PHC2: variants seen among roughly 807,000 people sequenced by gnomAD.
PHC2 encodes the protein polyhomeotic-like protein 2.
PHC2 carries 29 observed loss-of-function variants against 87.4 expected under a neutral mutation model. The observed-to-expected ratio is 0.33, with a 90% CI of 0.25 to 0.45. The LOEUF (loss-of-function observed/expected upper bound fraction) is 0.45. Among genes scored for constraint, PHC2 ranks in the 20% least tolerant of loss-of-function variants. The probability of loss-of-function intolerance (pLI) is 1.00; values close to 1 mark genes in which losing one functional copy is unlikely to be tolerated. For synonymous variants in PHC2, 438 were observed against 461.7 expected (o/e 0.95, Z 0.66); for missense variants, 857 against 1,136.7 (o/e 0.75, Z 3.54).
At chr1:33,416,673 T>C (rs1249498980) in intron 1 of PHC2, among the ~76,000 whole-genome samples, 1 of 151,858 alleles carries the variant, frequency 6.6e-6, no homozygotes, top group South Asian at 2.1e-4. Context: ...TTTAAAGTCC[T>C]GGAAGAAACT....
intron 1 of PHC2, among the ~76,000 whole-genome samples, chr1:33,395,562 A>C (rs1312690782): frequency 6.6e-6 from 1 of 152,210 alleles, no homozygotes; most frequent in Non-Finnish European, 1.5e-5. Context: ...AAATGCATTA[A>C]GAAAAGATGA....
chr1:33,372,289 C>G lies in PHC2; in HGVS notation c.333G>C (p.Gln111His). The G allele has an allele frequency of 6.4e-7, 1 of 1,555,140 alleles. No homozygotes were observed. The highest frequency in any genetic ancestry group is 1.4e-5 in the African/African-American group (1 of 73,460). Residue 111 changes from glutamine to histidine, a missense_variant and splice_region_variant, in exon 3 of 15, where the codon CAG becomes CAC. Physicochemically the swap from Gln to His is conservative, Grantham distance 24. Transcript: ENST00000683057. Reference protein sequence around the residue: ...AQLQSLAAVQQASLVSNRQGS... With the variant: ...AQLQSLAAVQHASLVSNRQGS... ...CCTCAAGGTCCTTCCCAAGTCTCACCTGCTGTACGGCTGCCAGGCTCTGGA... is the reference window on the plus strand; with the variant it reads ...CCTCAAGGTCCTTCCCAAGTCTCACGTGCTGTACGGCTGCCAGGCTCTGGA...
chr1:33,398,894 G>T (rs1169336673), intron 1 of PHC2, among the ~76,000 whole-genome samples: 1 of 152,146 alleles, frequency 6.6e-6, no homozygotes, highest in Non-Finnish European at 1.5e-5. Context: ...GTGTTCTTGG[G>T]GCAAGTCCAG....
chr1:33,392,944 T>A (rs1347630094), intron 1 of PHC2, among the ~76,000 whole-genome samples: 3 of 152,164 alleles, frequency 2.0e-5, no homozygotes, highest in Admixed American at 2.0e-4. Flanking sequence ...GCTTAGTCTG[T>A]CTTCTCAGGG....
intron 9 of PHC2, among the ~76,000 whole-genome samples, chr1:33,343,360 C>T (rs1646783077): frequency 6.7e-6 from 1 of 149,980 alleles, no homozygotes; most frequent in Non-Finnish European, 1.5e-5. Context: ...GTCCCCGCTA[C>T]TCGGGAGGCT....
In PHC2 at chr1:33,409,461, C is replaced by A. The variant is rs144170793; in HGVS notation, c.-55+21515G>T. Among the ~76,000 whole-genome samples the A allele has an allele frequency of 3.4e-3, 513 of 152,254 alleles. 5 individuals carry two copies. Among genetic ancestry groups the A allele is most frequent in the African/African-American group, 0.012 (479 of 41,556 alleles). On this transcript the variant is annotated intron_variant, in intron 1 of 14. Coordinates refer to ENST00000683057, the MANE Select transcript of PHC2 (RefSeq NM_001385109.1). ...AAAACTAGAAGGATATAAAACAAAA[C>A]ATTAACAGCATTACTTCGGGGTGCT...
At chr1:33,373,778 C>T (rs1570496177) in intron 2 of PHC2, among the ~76,000 whole-genome samples, 1 of 152,132 alleles carries the variant, frequency 6.6e-6, no homozygotes, top group East Asian at 2.0e-4. Flanking sequence ...CCACAGGCAG[C>T]TCCTGACCCT....
At chr1:33,425,246 T>C (rs1353681535) in intron 1 of PHC2, among the ~76,000 whole-genome samples, 2 of 152,012 alleles carry the variant, frequency 1.3e-5, no homozygotes, top group Admixed American at 1.3e-4. Flanking sequence ...TTCACTGGAG[T>C]AGATAAGTTG....
intron 7 of PHC2, among the ~76,000 whole-genome samples, chr1:33,363,581 C>T (rs1326502464): frequency 2.0e-5 from 3 of 152,202 alleles, no homozygotes; most frequent in African/African-American, 4.8e-5. Context: ...GCAGAGTTCT[C>T]GCTCCTCAGC....
At chr1:33,387,660 T>C (rs1027937262) in intron 1 of PHC2, among the ~76,000 whole-genome samples, 12 of 152,228 alleles carry the variant, frequency 7.9e-5, no homozygotes, top group Non-Finnish European at 1.8e-4. Context: ...ATAGAGGCCC[T>C]GTAACTTATC....
At position 33,425,249 on chromosome 1, in the gene PHC2, A is replaced by G. The variant is rs567639950; in HGVS notation, c.-55+5727T>C. ...ATTCAAGAAGTCTTCACTGGAGTAG[A>G]TAAGTTGGCAAGTCAAGCAGTCTTG... On this transcript the variant is annotated intron_variant, in intron 1 of 14. Coordinates refer to ENST00000683057, the MANE Select transcript of PHC2 (RefSeq NM_001385109.1). 3.3e-5 allele frequency among the ~76,000 whole-genome samples: 5 copies of G among 152,372 alleles called. No homozygotes were observed. The South Asian group carries it at 1.0e-3, about 32-fold the overall frequency.
At chr1:33,367,074 T>G (rs763754225) in intron 7 of PHC2, 42 bp downstream of exon 7, 13 of 1,539,774 alleles carry the variant, frequency 8.4e-6, no homozygotes, top group Non-Finnish European at 1.2e-5. Context: ...CTCACGGCCC[T>G]GAGTTTTCTG....
chr1:33,416,584 G>GAAAAAAAAAAAAAAAAAAAAAA (rs61591207), intron 1 of PHC2, among the ~76,000 whole-genome samples: 3 of 115,842 alleles, frequency 2.6e-5, no homozygotes, highest in Admixed American at 1.0e-4. Context: ...TCAAAAAAAA[G>GAAAAAAAAAAAAAAAAAAAAAA]AAAAAAAAAA....
intron 1 of PHC2, among the ~76,000 whole-genome samples, chr1:33,427,636 A>G (rs1046405089): frequency 6.6e-6 from 1 of 152,156 alleles, no homozygotes; most frequent in African/African-American, 2.4e-5. Context: ...CCTTCTGTTT[A>G]CTAAGTATAA....
Position 33,382,796 on chromosome 1 carries a change from A to T in PHC2, c.-54-7203T>A, listed in dbSNP as rs1363589460. On this transcript the variant is annotated intron_variant, in intron 1 of 14. Coordinates refer to ENST00000683057, the MANE Select transcript of PHC2 (RefSeq NM_001385109.1). This position sits in a 1 kb window ranked among gnomAD's most constrained non-coding sequence, Gnocchi z 4.3. ...CTCCCAGGAGCCGCCAAGTCTACGA[A>T]ACACTAGGCCTTTGTCCCCAGTGTC... Among the ~76,000 whole-genome samples, 1 of 152,196 alleles carries T rather than the reference A, an allele frequency of 6.6e-6. No homozygotes were observed. Among genetic ancestry groups the T allele is most frequent in the Non-Finnish European group, 1.5e-5 (1 of 68,030 alleles).
chr1:33,381,942 T>C lies in PHC2; in HGVS notation c.-54-6349A>G, dbSNP rs1204537474. Reference sequence around the variant, plus strand: ...GGGGGAGGTAAGTGACTTGGGGTGATATGGCTCCCCTGATTCTCATCCAGT... The same window carrying C: ...GGGGGAGGTAAGTGACTTGGGGTGACATGGCTCCCCTGATTCTCATCCAGT... On this transcript the variant is annotated intron_variant, in intron 1 of 14. Coordinates refer to ENST00000683057, the MANE Select transcript of PHC2 (RefSeq NM_001385109.1). 3.9e-5 allele frequency among the ~76,000 whole-genome samples: 6 copies of C among 151,948 alleles called. No individual in the cohort carries two copies. The South Asian group carries it at 6.2e-4, about 16-fold the overall frequency.
intron 9 of PHC2, chr1:33,335,422 C>T: frequency 1.2e-5 from 9 of 739,940 alleles, no homozygotes; most frequent in African/African-American, 1.9e-5. Flanking sequence ...AAAGCATACC[C>T]CAGTGAGGTA....
intron 1 of PHC2, among the ~76,000 whole-genome samples, chr1:33,409,850 A>T (rs934123691): frequency 2.2e-4 from 34 of 152,266 alleles, no homozygotes; most frequent in Non-Finnish European, 4.3e-4. Context: ...AATGTCACAT[A>T]CTTAAAACGT....
chr1:33,380,480 C>G (rs549654578), intron 1 of PHC2, among the ~76,000 whole-genome samples: 1 of 152,284 alleles, frequency 6.6e-6, no homozygotes, highest in Admixed American at 6.5e-5. Context: ...TTTCAAAGTT[C>G]ATTCATGTTG....
Sources: allele counts gnomAD v4.1 joint callset (sites outside exome capture counted in the v4.1 genomes callset), GRCh38; gene constraint gnomAD v4.1.1; non-coding constraint Gnocchi (gnomAD v3.1); transcripts MANE v1.5; gene names NCBI Gene and HGNC (gene_info 2026-07-23, HGNC 2026-07-21).